The following ATP2C2 variants were observed in gnomAD, a reference collection of about 807,000 sequenced individuals.
ATP2C2 encodes the protein ATPase secretory pathway Ca2+ transporting 2.
ATP2C2 carries 171 observed loss-of-function variants against 110.8 expected under a neutral mutation model. The ratio of observed to expected loss-of-function variants is 1.54; its 90% CI spans 1.36 to 1.75. The LOEUF (loss-of-function observed/expected upper bound fraction) is 1.75. Among genes scored for constraint, ATP2C2 ranks in the 40% most tolerant of loss-of-function variants. ATP2C2 has a pLI of 0.00. For missense variants in ATP2C2, 1,963 were observed against 1,235.0 expected (o/e 1.59, Z -8.84); for synonymous variants, 804 against 508.4 (o/e 1.58, Z -7.82).
chr16:84,462,534 G>A (rs2241636), intron 26 of ATP2C2: 48,724 of 169,160 alleles, frequency 0.29, 7,203 homozygotes, highest in African/African-American at 0.32. Flanking sequence ...TCACCTGAAG[G>A]CAGGGAGCTG....
intron 17 of ATP2C2, among the ~76,000 whole-genome samples, chr16:84,449,986 C>T (rs1259687029): frequency 1.3e-5 from 2 of 152,228 alleles, no homozygotes; most frequent in South Asian, 2.1e-4. Flanking sequence ...GCAGAGGAGC[C>T]GGCCCAGGTG....
chr16:84,398,771 G>A (rs757476162), intron 2 of ATP2C2, among the ~76,000 whole-genome samples, 162 bp downstream of exon 2: 3 of 152,196 alleles, frequency 2.0e-5, no homozygotes, highest in Non-Finnish European at 4.4e-5. Flanking sequence ...GATTCCACAG[G>A]TAGAATATCA....
chr16:84,409,401 T>C (rs1906069919), intron 4 of ATP2C2, among the ~76,000 whole-genome samples: 1 of 152,178 alleles, frequency 6.6e-6, no homozygotes, highest in South Asian at 2.1e-4. Flanking sequence ...TATACCTATG[T>C]AACAAACCTG....
intron 4 of ATP2C2, among the ~76,000 whole-genome samples, chr16:84,409,741 G>T (rs538577805): frequency 2.4e-4 from 36 of 152,214 alleles, no homozygotes; most frequent in African/African-American, 7.5e-4. Flanking sequence ...GACCTCAGGT[G>T]ATCCGCCTCC....
At chr16:84,439,620 G>C in intron 13 of ATP2C2, 96 bp downstream of exon 13, 1 of 1,199,654 alleles carries the variant, frequency 8.3e-7, no homozygotes, top group Non-Finnish European at 1.2e-6. Flanking sequence ...AACACAATAA[G>C]GAAGAAATAA....
chr16:84,439,366 G>T (rs247905), intron 12 of ATP2C2, 61 bp from the exon 13 acceptor site: 1 of 1,611,530 alleles, frequency 6.2e-7, no homozygotes, highest in Non-Finnish European at 8.5e-7. Context: ...ATCCAGCCTG[G>T]GGGTTTCACA....
chr16:84,371,669 C>T (rs1200537605), intron 1 of ATP2C2, among the ~76,000 whole-genome samples: 2 of 152,210 alleles, frequency 1.3e-5, no homozygotes, highest in African/African-American at 4.8e-5. Flanking sequence ...TGTCTCTGCC[C>T]CTCAGGGCTC....
At chr16:84,408,550 C>G (rs1905988954) in intron 4 of ATP2C2, 56 bp downstream of exon 4, 11 of 1,396,384 alleles carry the variant, frequency 7.9e-6, no homozygotes, top group East Asian at 2.3e-5. Context: ...TCTGCTGAGT[C>G]TCTGCTTGTT....
chr16:84,413,168 C>G (rs1196822378), intron 6 of ATP2C2, among the ~76,000 whole-genome samples: 2 of 151,750 alleles, frequency 1.3e-5, no homozygotes, highest in Non-Finnish European at 2.9e-5. Context: ...CTCTGAGTCT[C>G]CAAGACCCAT....
At position 84,410,712 on chromosome 16, in the gene ATP2C2, G is replaced by A. The variant is rs1567703315; in HGVS notation, c.462G>A (p.Arg154=). 6.2e-7 allele frequency: 1 copy of A among 1,614,174 alleles called. No individual in the cohort carries two copies. Among genetic ancestry groups the A allele is most frequent in the Non-Finnish European group, 8.5e-7 (1 of 1,180,018 alleles). The change falls in exon 6 of 27, where the codon AGG becomes AGA. Residue 154 remains arginine (R), a synonymous_variant. Transcript: ENST00000262429. ...VVTVAFIQEY[R]SEKSLEELTK... is the part of the protein sequence containing the mutation. ...GATGTGCTTCCTGCCAGGAGTACAG[G>A]TCGGAGAAATCTCTGGAAGAGCTGA...
At chr16:84,420,301 A>C (rs563797381) in intron 7 of ATP2C2, among the ~76,000 whole-genome samples, 4 of 152,082 alleles carry the variant, frequency 2.6e-5, no homozygotes, top group Non-Finnish European at 5.9e-5. Context: ...TGCCCAGAGG[A>C]GTCTCTGGCC....
chr16:84,461,709 T>A lies in ATP2C2; in HGVS notation c.2482-5T>A. The A allele has an allele frequency of 2.5e-6, 4 of 1,613,736 alleles. No individual in the cohort carries two copies. The highest frequency in any genetic ancestry group is 3.4e-6 in the Non-Finnish European group (4 of 1,179,606). On this transcript the variant is annotated splice_polypyrimidine_tract_variant and splice_region_variant and intron_variant, in intron 24 of 26. Coordinates refer to ENST00000262429, the MANE Select transcript of ATP2C2 (RefSeq NM_014861.4). ...TAACCTCTCACCTTTGTGCTCACCT[T>A]CCAGATGCCTGAAGACAGAGCAAGC...
intron 21 of ATP2C2, among the ~76,000 whole-genome samples, chr16:84,456,254 G>C (rs1910779166): frequency 7.5e-6 from 1 of 133,020 alleles, no homozygotes; most frequent in African/African-American, 2.8e-5. Flanking sequence ...AATCCATCTG[G>C]TCCTGGACTC....
intron 10 of ATP2C2, among the ~76,000 whole-genome samples, chr16:84,425,438 C>T (rs371981944): frequency 2.0e-5 from 3 of 152,092 alleles, no homozygotes; most frequent in Non-Finnish European, 4.4e-5. Context: ...TACACGCAGC[C>T]GACGGTAAAC....
intron 14 of ATP2C2, among the ~76,000 whole-genome samples, chr16:84,441,721 G>A (rs1161482825): frequency 6.6e-6 from 1 of 152,220 alleles, no homozygotes; most frequent in East Asian, 1.9e-4. Flanking sequence ...AGGAGTTCAA[G>A]ACCAGCCTGG....
chr16:84,461,444 G>A (rs1911327344), intron 24 of ATP2C2: 2 of 570,206 alleles, frequency 3.5e-6, no homozygotes, highest in African/African-American at 3.8e-5. Context: ...CTCCCAGGGA[G>A]ACAGTTACTT....
At chr16:84,420,244 A>C (rs66715009) in intron 7 of ATP2C2, among the ~76,000 whole-genome samples, 37,245 of 151,808 alleles carry the variant, frequency 0.25, 4,887 homozygotes, top group Non-Finnish European at 0.29. Context: ...ATGGAGTATC[A>C]TCTTCCTGAG....
At chr16:84,378,251 G>C (rs752386003) in intron 1 of ATP2C2, among the ~76,000 whole-genome samples, 2 of 152,204 alleles carry the variant, frequency 1.3e-5, no homozygotes, top group South Asian at 2.1e-4. Flanking sequence ...GGCTCTGGGC[G>C]TAGGGGAAGG....
At chr16:84,386,101 A>C (rs1025218466) in intron 1 of ATP2C2, among the ~76,000 whole-genome samples, 3 of 152,098 alleles carry the variant, frequency 2.0e-5, no homozygotes, top group Non-Finnish European at 2.9e-5. Context: ...CTTCAGCTTC[A>C]TTTTGTACTT....
Sources: allele counts gnomAD v4.1 joint callset (sites outside exome capture counted in the v4.1 genomes callset), GRCh38; gene constraint gnomAD v4.1.1; transcripts MANE v1.5; gene names NCBI Gene and HGNC (gene_info 2026-07-23, HGNC 2026-07-21).